The following CELF4 variants were observed in gnomAD, a reference collection of about 807,000 sequenced individuals.
The protein encoded by CELF4 is CUGBP Elav-like family member 4.
A neutral mutation model predicts 59.9 loss-of-function variants in CELF4; 18 were observed. That is an observed-to-expected ratio of 0.30 (90% CI 0.21 to 0.45). The LOEUF is 0.45. Ranked by LOEUF, CELF4 falls within the 20% of genes least tolerant of loss-of-function variation. The pLI, the probability that CELF4 is intolerant of heterozygous loss-of-function variation, is 1.00. For synonymous variants in CELF4, 261 were observed against 267.1 expected (o/e 0.98, Z 0.22); for missense variants, 456 against 689.0 (o/e 0.66, Z 3.79).
chr18:37,282,858 A>G (rs1162005581), intron 3 of CELF4, among the ~76,000 whole-genome samples: 2 of 151,990 alleles, frequency 1.3e-5, no homozygotes, highest in Non-Finnish European at 2.9e-5. Flanking sequence ...GCCAGTGGAG[A>G]GCTACACACT....
intron 2 of CELF4, among the ~76,000 whole-genome samples, chr18:37,345,217 C>T (rs998028370): frequency 6.6e-6 from 1 of 152,168 alleles, no homozygotes; most frequent in Non-Finnish European, 1.5e-5. Flanking sequence ...GCAGGGGCTA[C>T]CCACACCAGC....
At chr18:37,376,635 G>T (rs2098972835) in intron 2 of CELF4, among the ~76,000 whole-genome samples, 1 of 152,148 alleles carries the variant, frequency 6.6e-6, no homozygotes, top group Non-Finnish European at 1.5e-5. Context: ...GGAGTGTGGG[G>T]CTCTGGGTGA....
intron 1 of CELF4, among the ~76,000 whole-genome samples, chr18:37,527,569 C>T (rs1160731549): frequency 1.3e-5 from 2 of 152,208 alleles, no homozygotes; most frequent in East Asian, 1.9e-4. Context: ...CTCATTGAAC[C>T]GGAACATCAA....
chr18:37,271,500 C>T (rs1455791843), intron 7 of CELF4, among the ~76,000 whole-genome samples: 1 of 152,178 alleles, frequency 6.6e-6, no homozygotes, highest in Non-Finnish European at 1.5e-5. Context: ...AAGTGATCCA[C>T]CCGCCTCGGC....
chr18:37,383,348 T>C (rs2099063915), intron 2 of CELF4, among the ~76,000 whole-genome samples: 1 of 152,194 alleles, frequency 6.6e-6, no homozygotes, highest in African/African-American at 2.4e-5. Flanking sequence ...CTGGGCATCC[T>C]GACAGCGCCA....
chr18:37,445,668 C>A (rs755489739), intron 2 of CELF4, among the ~76,000 whole-genome samples: 6 of 152,010 alleles, frequency 3.9e-5, no homozygotes, highest in Admixed American at 3.9e-4. Context: ...CAGGGAGGGG[C>A]AGAGGGACGG....
chr18:37,422,696 C>A (rs1030768535), intron 2 of CELF4, among the ~76,000 whole-genome samples: 2 of 152,068 alleles, frequency 1.3e-5, no homozygotes, highest in Non-Finnish European at 2.9e-5. Flanking sequence ...GAGAGAGAGC[C>A]CTGGGTTTAG....
At chr18:37,321,989 A>C (rs1325208416) in intron 2 of CELF4, 108 bp from the exon 3 acceptor site, 4 of 742,886 alleles carry the variant, frequency 5.4e-6, no homozygotes, top group Non-Finnish European at 8.6e-6. Context: ...CTGCACCCAC[A>C]GACACGCGCT....
chr18:37,312,110 CAAA>C (rs59872500), intron 3 of CELF4, among the ~76,000 whole-genome samples: 4,852 of 50,550 alleles, frequency 0.096, 126 homozygotes, highest in Middle Eastern at 0.18. Context: ...GATTCCGTCT[CAAA>C]AAAAAAAAAA....
chr18:37,267,968 C>T (rs1297550716), intron 8 of CELF4, among the ~76,000 whole-genome samples: 2 of 152,062 alleles, frequency 1.3e-5, no homozygotes, highest in African/African-American at 2.4e-5. Flanking sequence ...ACCCGGGAGG[C>T]GGAGGTTGCA....
chr18:37,303,314 T>C (rs547558029), intron 3 of CELF4, among the ~76,000 whole-genome samples: 1 of 152,224 alleles, frequency 6.6e-6, no homozygotes, highest in South Asian at 2.1e-4. Context: ...AGATTAATAT[T>C]TGAAATCCTG....
chr18:37,373,175 ACT>A (rs1224442322), intron 2 of CELF4, among the ~76,000 whole-genome samples: 6 of 152,216 alleles, frequency 3.9e-5, no homozygotes, highest in Middle Eastern at 6.8e-3. Flanking sequence ...CACTGACTCT[ACT>A]CTCTGTTGCA....
chr18:37,521,370 C>T (rs1408070239), intron 1 of CELF4, among the ~76,000 whole-genome samples: 2 of 152,154 alleles, frequency 1.3e-5, no homozygotes, highest in Non-Finnish European at 2.9e-5. Flanking sequence ...TCTATTCTCT[C>T]CTCATGCCCC....
At chr18:37,261,351 G>A (rs1285658051) in intron 10 of CELF4, among the ~76,000 whole-genome samples, 1 of 151,718 alleles carries the variant, frequency 6.6e-6, no homozygotes, top group Non-Finnish European at 1.5e-5. Flanking sequence ...TTCAAGTTCT[G>A]CAAGCTGCTT....
chr18:37,475,620 G>A (rs549224486), intron 2 of CELF4, among the ~76,000 whole-genome samples: 2 of 152,310 alleles, frequency 1.3e-5, no homozygotes, highest in South Asian at 2.1e-4. Flanking sequence ...AGGGAGCGGG[G>A]AAGCTGGAGA....
At chr18:37,451,695 C>T (rs1298884113) in intron 2 of CELF4, among the ~76,000 whole-genome samples, 1 of 152,182 alleles carries the variant, frequency 6.6e-6, no homozygotes, top group Non-Finnish European at 1.5e-5. Context: ...GGCAGTCGTA[C>T]TTAGCACCCA....
At chr18:37,390,806 G>GC (rs1652520871) in intron 2 of CELF4, among the ~76,000 whole-genome samples, 2 of 74,556 alleles carry the variant, frequency 2.7e-5, no homozygotes, top group African/African-American at 2.0e-4. Context: ...ATGGGGCGGG[G>GC]AGGGGGGGCA....
chr18:37,428,569 C>T (rs2099628655), intron 2 of CELF4, among the ~76,000 whole-genome samples: 1 of 152,188 alleles, frequency 6.6e-6, no homozygotes, highest in Non-Finnish European at 1.5e-5. Flanking sequence ...TACTCCAGTA[C>T]AGCTAATGGG....
intron 2 of CELF4, among the ~76,000 whole-genome samples, chr18:37,470,891 A>ATGTGTGTGTGTGTGT (rs1491153845): frequency 3.8e-5 from 1 of 25,984 alleles, no homozygotes; most frequent in African/African-American, 1.3e-4. Flanking sequence ...TGTGTGTGAC[A>ATGTGTGTGTGTGTGT]GAGAGAGAGA....
Sources: gnomAD v4.1 joint callset for allele counts (sites outside exome capture counted in the v4.1 genomes callset) on GRCh38, gnomAD v4.1.1 for gene constraint, MANE v1.5 for transcripts, NCBI Gene and HGNC (gene_info 2026-07-23, HGNC 2026-07-21) for gene names.